The following DLGAP2 variants were observed in gnomAD, a reference collection of about 807,000 sequenced individuals.
The protein encoded by DLGAP2 is DLG associated protein 2.
Under a neutral mutation model 100.3 loss-of-function variants are expected in DLGAP2, and 26 were observed. That is an observed-to-expected ratio of 0.26 (90% confidence interval 0.19 to 0.36). DLGAP2 has a LOEUF of 0.36. Among genes scored for constraint, DLGAP2 ranks in the 10% least tolerant of loss-of-function variants. The probability of loss-of-function intolerance (pLI) is 1.00; values close to 1 mark genes in which losing one functional copy is unlikely to be tolerated. For missense variants in DLGAP2, 1,858 were observed against 1,453.2 expected (o/e 1.28, Z -4.53); for synonymous variants, 886 against 630.1 (o/e 1.41, Z -6.08).
intron 3 of DLGAP2, among the ~76,000 whole-genome samples, chr8:1,460,317 C>G (rs779526706): frequency 6.6e-6 from 1 of 152,210 alleles, no homozygotes; most frequent in African/African-American, 2.4e-5. Flanking sequence ...TTTTAATTTA[C>G]TATGAAGAAA....
chr8:1,321,089 G>A (rs919366169), intron 3 of DLGAP2, among the ~76,000 whole-genome samples: 1 of 151,868 alleles, frequency 6.6e-6, no homozygotes, highest in African/African-American at 2.4e-5. Flanking sequence ...CTCTGTGTGT[G>A]CGCATGCATC....
chr8:1,408,928 G>C (rs1015839339), intron 3 of DLGAP2, among the ~76,000 whole-genome samples: 9 of 152,262 alleles, frequency 5.9e-5, no homozygotes, highest in African/African-American at 9.6e-5. Context: ...CACAGGGTCT[G>C]TCTTGTTGGA....
chr8:1,202,670 C>G (rs888183289), intron 2 of DLGAP2, among the ~76,000 whole-genome samples: 6 of 152,128 alleles, frequency 3.9e-5, no homozygotes, highest in Admixed American at 6.5e-5. Flanking sequence ...TTCACCTGTC[C>G]CAGTCAAGGC....
chr8:1,190,993 C>G (rs1296524426), intron 2 of DLGAP2, among the ~76,000 whole-genome samples: 1 of 152,128 alleles, frequency 6.6e-6, no homozygotes, highest in Non-Finnish European at 1.5e-5. Flanking sequence ...GGACCAATTC[C>G]TCATGGTCAG....
chr8:1,041,409 A>G (rs1245810908), intron 2 of DLGAP2, among the ~76,000 whole-genome samples: 1 of 152,190 alleles, frequency 6.6e-6, no homozygotes, highest in Admixed American at 6.5e-5. Context: ...GGCACTCGGG[A>G]GGAGACAGAG....
intron 1 of DLGAP2, among the ~76,000 whole-genome samples, chr8:901,220 A>C (rs1041404381): frequency 3.9e-5 from 6 of 152,318 alleles, no homozygotes; most frequent in Admixed American, 3.9e-4. Flanking sequence ...TGAGCCCAGG[A>C]GGTTGAGGCT....
chr8:766,755 C>G (rs1303562849), intron 1 of DLGAP2, among the ~76,000 whole-genome samples: 1 of 152,224 alleles, frequency 6.6e-6, no homozygotes, highest in Non-Finnish European at 1.5e-5. Flanking sequence ...GTCCTGTCAA[C>G]ACTGCCAGCG....
intron 3 of DLGAP2, among the ~76,000 whole-genome samples, chr8:1,387,347 G>A (rs1209561632): frequency 1.3e-5 from 2 of 152,182 alleles, no homozygotes; most frequent in Admixed American, 6.5e-5. Flanking sequence ...TAAAATAAAA[G>A]AATGGAATAA....
intron 1 of DLGAP2, among the ~76,000 whole-genome samples, chr8:793,671 T>A (rs911179117): frequency 1.3e-5 from 2 of 152,248 alleles, no homozygotes; most frequent in East Asian, 1.9e-4. Flanking sequence ...TCTTTGCATT[T>A]TGTGCAATTT....
At chr8:1,513,147 G>A (rs1011496407) in intron 4 of DLGAP2, among the ~76,000 whole-genome samples, 9 of 146,028 alleles carry the variant, frequency 6.2e-5, no homozygotes, top group Non-Finnish European at 9.0e-5. Flanking sequence ...TGGGATAAGC[G>A]TCTGCCTTTC....
intron 2 of DLGAP2, among the ~76,000 whole-genome samples, chr8:912,012 C>G (rs756555440): frequency 1.6e-4 from 25 of 152,190 alleles, no homozygotes; most frequent in Non-Finnish European, 3.1e-4. Flanking sequence ...ACATTCTTTT[C>G]TTTAGGCTGC....
intron 1 of DLGAP2, among the ~76,000 whole-genome samples, chr8:759,815 C>T (rs1821033734): frequency 1.3e-5 from 2 of 152,166 alleles, no homozygotes; most frequent in Non-Finnish European, 2.9e-5. Context: ...GCTTTTAGTT[C>T]TTCCTTTGCT....
chr8:1,639,458 C>G (rs545122642), intron 8 of DLGAP2, among the ~76,000 whole-genome samples: 1 of 152,116 alleles, frequency 6.6e-6, no homozygotes, highest in Admixed American at 6.5e-5. Context: ...AGCAGGGGTC[C>G]TGTGCCACCC....
chr8:1,652,710 T>C (rs1798194875), intron 8 of DLGAP2, among the ~76,000 whole-genome samples: 1 of 152,204 alleles, frequency 6.6e-6, no homozygotes, highest in Non-Finnish European at 1.5e-5. Context: ...CTTATGGAAT[T>C]TGCATCGTCT....
At chr8:962,846 G>T (rs566874654) in intron 2 of DLGAP2, among the ~76,000 whole-genome samples, 2 of 152,272 alleles carry the variant, frequency 1.3e-5, no homozygotes, top group South Asian at 4.1e-4. Context: ...TGGAAACCCT[G>T]ATGGCCTTCG....
chr8:1,693,137 CAT>C (rs1404068160), intron 13 of DLGAP2, among the ~76,000 whole-genome samples: 1 of 127,910 alleles, frequency 7.8e-6, no homozygotes, highest in Non-Finnish European at 1.6e-5. Context: ...TAAACATTAA[CAT>C]ATAACAAATA....
chr8:895,113 A>G (rs1798119819), intron 1 of DLGAP2, among the ~76,000 whole-genome samples: 2 of 151,664 alleles, frequency 1.3e-5, no homozygotes, highest in Non-Finnish European at 1.5e-5. Context: ...TAGTGACTGC[A>G]GTTAATAATA....
intron 1 of DLGAP2, among the ~76,000 whole-genome samples, chr8:760,254 C>G (rs997494988): frequency 3.9e-5 from 6 of 152,188 alleles, no homozygotes; most frequent in Non-Finnish European, 8.8e-5. Flanking sequence ...TCCTCCCTTG[C>G]TGCCTGATCT....
rs879771241 is a variant in DLGAP2 at position 1,276,634 on chromosome 8, TTGACTTCC to T, written c.106+17752_106+17759del. ...AGGTGGTGCGTCTTGTGTCGGTGCT[TTGACTTCC>T]CAGCACACGTCCCCAGACTCCTCTA... On this transcript the variant is annotated intron_variant, in intron 3 of 14. Transcript: ENST00000637795. Among the ~76,000 whole-genome samples, 913 of 152,268 alleles carry T rather than the reference TTGACTTCC, an allele frequency of 6.0e-3. 11 individuals are homozygous for T. The highest frequency in any genetic ancestry group is 0.032 in the Admixed American group (487 of 15,292).
Sources: allele counts gnomAD v4.1 joint callset (sites outside exome capture counted in the v4.1 genomes callset), GRCh38; gene constraint gnomAD v4.1.1; transcripts MANE v1.5; gene names NCBI Gene and HGNC (gene_info 2026-07-23, HGNC 2026-07-21).